Variants in SPRR2B observed in about 807,000 individuals in gnomAD.
SPRR2B encodes small proline rich protein 2B, also known as small proline-rich protein 2B.
In SPRR2B, 1 loss-of-function variant was observed where a neutral mutation model predicts 1.0. The observed-to-expected ratio is 1.01, with a 90% CI of 0.36 to 4.77. SPRR2B has a LOEUF of 4.77. Ranked by LOEUF, SPRR2B falls within the 30% of genes most tolerant of loss-of-function variation. The pLI is 0.16. For synonymous variants in SPRR2B, 27 were observed against 33.4 expected, an observed-to-expected ratio of 0.81 and a Z score of 0.66; for missense variants, 53 against 88.7, an observed-to-expected ratio of 0.60 and a Z score of 1.62.
At chr1:153,075,078 G>A (rs1339746588), upstream of SPRR2B, among the ~76,000 whole-genome samples, 4 of 152,178 alleles carry the variant, frequency 2.6e-5, no homozygotes, top group African/African-American at 9.7e-5. Flanking sequence ...GGGAACGGTG[G>A]CTCATGCCTG....
the SPRR2B span, among the ~76,000 whole-genome samples, chr1:153,076,728 A>G: frequency 1.3e-5 from 2 of 152,234 alleles, no homozygotes; most frequent in Non-Finnish European, 2.9e-5. Context: ...AAAATATGTC[A>G]ACACAAAATA....
the SPRR2B span, among the ~76,000 whole-genome samples, chr1:153,081,388 G>A: frequency 6.6e-6 from 1 of 152,204 alleles, no homozygotes; most frequent in African/African-American, 2.4e-5. Context: ...AAGAGGTAGT[G>A]GGATGACATA....
the SPRR2B span, among the ~76,000 whole-genome samples, chr1:153,080,390 G>T: frequency 6.6e-6 from 1 of 152,060 alleles, no homozygotes; most frequent in African/African-American, 2.4e-5. Flanking sequence ...AAGAGAACAT[G>T]GAAGAACACT....
At chr1:153,075,635 C>A (rs76257006), upstream of SPRR2B, among the ~76,000 whole-genome samples, 2,156 of 152,242 alleles carry the variant, frequency 0.014, 50 homozygotes, top group African/African-American at 0.048. Context: ...GCACAGGCTA[C>A]AGAGAGTACT....
the SPRR2B span, among the ~76,000 whole-genome samples, chr1:153,077,226 C>T: frequency 6.6e-6 from 1 of 152,206 alleles, no homozygotes; most frequent in South Asian, 2.1e-4. Context: ...AACACACTTT[C>T]AACCTAGAAT....
the SPRR2B span, among the ~76,000 whole-genome samples, chr1:153,085,723 C>A: frequency 1.3e-5 from 2 of 152,158 alleles, no homozygotes; most frequent in Non-Finnish European, 2.9e-5. Context: ...CTGCAAGACA[C>A]ATAATCATCA....
chr1:153,080,868 C>A, the SPRR2B span, among the ~76,000 whole-genome samples: 1 of 152,134 alleles, frequency 6.6e-6, no homozygotes, highest in African/African-American at 2.4e-5. Context: ...GTCATAACAT[C>A]CACTATCTGT....
rs538555480 is a variant in SPRR2B at position 153,070,302 on chromosome 1, G to A, written c.*319C>T. 91 of 485,048 alleles carry A rather than the reference G, an allele frequency of 1.9e-4. 1 individual carries two copies. In the Middle Eastern group the frequency reaches 3.2e-3, roughly 17 times the overall value. 30.0% of individuals were successfully genotyped at this position (485,048 alleles called of 1,614,324 possible). On this transcript the variant is annotated 3_prime_UTR_variant, in exon 2 of 2. Coordinates refer to ENST00000368755, the MANE Select transcript of SPRR2B (RefSeq NM_001388198.1). ...AGGTGGTAGAAGCTCATGCCCAGGT[G>A]AAAGACAGACACAGAACACATCAAC...
At chr1:153,072,665 G>A (rs1654693331), upstream of SPRR2B, among the ~76,000 whole-genome samples, 1 of 152,154 alleles carries the variant, frequency 6.6e-6, no homozygotes, top group African/African-American at 2.4e-5. Context: ...TTGAAAGACA[G>A]TATTATTTTA....
chr1:153,081,663 G>T, the SPRR2B span, among the ~76,000 whole-genome samples: 1 of 152,138 alleles, frequency 6.6e-6, no homozygotes, highest in Non-Finnish European at 1.5e-5. Flanking sequence ...ATTTTAGCTT[G>T]TAACTTCACT....
In SPRR2B at chr1:153,070,567, C is replaced by T. The variant is rs1040326029; in HGVS notation, c.*54G>A. The T allele has an allele frequency of 1.1e-4, 172 of 1,575,924 alleles. No homozygotes were observed. The highest frequency in any genetic ancestry group is 1.3e-4 in the Non-Finnish European group (154 of 1,161,364). On this transcript the variant is annotated 3_prime_UTR_variant, in exon 2 of 2. Transcript: ENST00000368755. ...AGAAGATGAAGGTGGAGCTGTGGAA[C>T]GAGGTGAGCCAATTATCCTTATCCT...
the SPRR2B span, among the ~76,000 whole-genome samples, chr1:153,077,390 C>T: frequency 6.6e-6 from 1 of 152,072 alleles, no homozygotes; most frequent in Non-Finnish European, 1.5e-5. Flanking sequence ...TGGAGAGAAA[C>T]TATGTGAAGA....
chr1:153,072,034 A>C (rs923054356), upstream of SPRR2B, among the ~76,000 whole-genome samples: 1 of 152,184 alleles, frequency 6.6e-6, no homozygotes, highest in African/African-American at 2.4e-5. Flanking sequence ...AGTTCTGGCC[A>C]CAGATTTTTT....
In SPRR2B at chr1:153,070,482, T is replaced by G; in HGVS notation, c.*139A>C. The stretch of plus-strand genomic sequence containing the variant: ...AACCTTTTGCTATCAGGGAACATCA[T>G]GGGCAGATCACAGGCTAAGGGGAAA... On this transcript the variant is annotated 3_prime_UTR_variant, in exon 2 of 2. Transcript: ENST00000368755. 6.9e-7 allele frequency: 1 copy of G among 1,449,584 alleles called. No homozygotes were observed. The highest frequency in any genetic ancestry group is 9.3e-7 in the Non-Finnish European group (1 of 1,077,708). 89.8% of individuals were successfully genotyped at this position (1,449,584 alleles called of 1,614,324 possible).
At chr1:153,080,338 C>T in the SPRR2B span, among the ~76,000 whole-genome samples, 2 of 151,970 alleles carry the variant, frequency 1.3e-5, no homozygotes, top group African/African-American at 4.8e-5. Flanking sequence ...AAATATAGAA[C>T]ACTCCACCCA....
At chr1:153,086,544 C>T in the SPRR2B span, among the ~76,000 whole-genome samples, 2 of 152,252 alleles carry the variant, frequency 1.3e-5, no homozygotes, top group Admixed American at 6.5e-5. Context: ...TTCTTAGGGA[C>T]CTTCAAAGAG....
Position 153,070,487 on chromosome 1 carries a change from A to C in SPRR2B, c.*134T>G, listed in dbSNP as rs1337738455. The C allele has an allele frequency of 1.4e-5, 21 of 1,462,840 alleles. No homozygotes were observed. Among genetic ancestry groups the C allele is most frequent in the Non-Finnish European group, 1.7e-5 (19 of 1,087,718 alleles). The allele number at this position is 1,462,840 out of a possible 1,614,324, so 90.6% of individuals were successfully genotyped here. A position where few individuals can be genotyped will look rare whatever the true frequency, so the allele number is the denominator to read the frequency against. On this transcript the variant is annotated 3_prime_UTR_variant, in exon 2 of 2. Transcript: ENST00000368755. ...TTTGCTATCAGGGAACATCATGGGC[A>C]GATCACAGGCTAAGGGGAAAGAAGC...
At chr1:153,086,930 C>A in the SPRR2B span, among the ~76,000 whole-genome samples, 3 of 152,136 alleles carry the variant, frequency 2.0e-5, no homozygotes, top group Non-Finnish European at 4.4e-5. Context: ...AAAATTCACT[C>A]CAAAACATAC....
chr1:153,078,078 T>C, the SPRR2B span, among the ~76,000 whole-genome samples: 1 of 152,194 alleles, frequency 6.6e-6, no homozygotes, highest in South Asian at 2.1e-4. Flanking sequence ...TTCTCATCAG[T>C]AATTACTTTA....
Sources: gnomAD v4.1 joint callset for allele counts (sites outside exome capture counted in the v4.1 genomes callset) on GRCh38, gnomAD v4.1.1 for gene constraint, MANE v1.5 for transcripts, NCBI Gene and HGNC (gene_info 2026-07-23, HGNC 2026-07-21) for gene names.